The following TLL1 variants were observed in gnomAD, a reference collection of about 807,000 sequenced individuals.
The protein encoded by TLL1 is tolloid like 1.
Under a neutral mutation model 128.2 loss-of-function variants are expected in TLL1, and 49 were observed. The observed-to-expected ratio is 0.38, with a 90% CI of 0.30 to 0.48. The LOEUF (loss-of-function observed/expected upper bound fraction) is 0.48. Among genes scored for constraint, TLL1 ranks in the 20% least tolerant of loss-of-function variants. The pLI is 0.96. For missense variants in TLL1, 1,123 were observed against 1,242.0 expected, an observed-to-expected ratio of 0.90 and a Z score of 1.44; for synonymous variants, 454 against 418.8, an observed-to-expected ratio of 1.08 and a Z score of -1.03.
chr4:166,085,566 G>T (rs1741473796), intron 18 of TLL1, among the ~76,000 whole-genome samples: 1 of 151,630 alleles, frequency 6.6e-6, no homozygotes, highest in Non-Finnish European at 1.5e-5. Context: ...TTCTGTTAAT[G>T]TCGTGCATCA....
intron 10 of TLL1, among the ~76,000 whole-genome samples, chr4:166,041,334 C>A (rs1255404290): frequency 6.8e-6 from 1 of 146,030 alleles, no homozygotes; most frequent in African/African-American, 2.5e-5. Flanking sequence ...TGGAGTCTTG[C>A]TCTGTCGCCA....
chr4:166,099,533 T>C lies in TLL1; in HGVS notation c.2907+6T>C, dbSNP rs1742191905. The C allele has an allele frequency of 1.2e-6, 2 of 1,611,136 alleles. No individual in the cohort carries two copies. The highest frequency in any genetic ancestry group is 1.3e-5 in the African/African-American group (1 of 74,118). ...GTCGATTCTGTGGATCCGGGGTAAA[T>C]ATACCACCAACAGAATACCCTAGAC... On this transcript the variant is annotated splice_donor_region_variant and intron_variant, in intron 20 of 20. Transcript: ENST00000061240.
intron 1 of TLL1, among the ~76,000 whole-genome samples, chr4:165,883,102 G>A (rs1731032626): frequency 6.6e-6 from 1 of 152,102 alleles, no homozygotes; most frequent in African/African-American, 2.4e-5. Flanking sequence ...CATATACAAT[G>A]GAACTCAGAA....
chr4:165,891,187 CA>C (rs1384342275), intron 1 of TLL1, among the ~76,000 whole-genome samples: 1 of 152,136 alleles, frequency 6.6e-6, no homozygotes, highest in Non-Finnish European at 1.5e-5. Context: ...TTTTTCCTCC[CA>C]AGCCTTCTGG....
At chr4:165,908,735 G>A (rs1033031079) in intron 1 of TLL1, among the ~76,000 whole-genome samples, 9 of 152,222 alleles carry the variant, frequency 5.9e-5, no homozygotes, top group African/African-American at 1.7e-4. Flanking sequence ...GATGGGAAGG[G>A]GTAGGTCAAG....
intron 12 of TLL1, among the ~76,000 whole-genome samples, chr4:166,047,124 A>G (rs2111099579): frequency 6.6e-6 from 1 of 152,182 alleles, no homozygotes; most frequent in Non-Finnish European, 1.5e-5. Context: ...CACTGATTCT[A>G]GTCTTTGCCT....
intron 6 of TLL1, among the ~76,000 whole-genome samples, chr4:166,004,196 T>A (rs2111035030): frequency 6.6e-6 from 1 of 152,292 alleles, no homozygotes; most frequent in South Asian, 2.1e-4. Flanking sequence ...AATGTAAGAC[T>A]TTTTAACTTT....
At position 166,103,998 on chromosome 4, in the gene TLL1, A is replaced by T. The variant is rs1024005745; in HGVS notation, c.*3122A>T. 9 of 151,938 alleles carry T rather than the reference A, an allele frequency of 5.9e-5. No individual in the cohort carries two copies. The highest frequency in any genetic ancestry group is 2.2e-4 in the African/African-American group (9 of 41,414). 9.4% of individuals were successfully genotyped at this position (151,938 alleles called of 1,614,324 possible). ...GGATGAGAAGTAATTGTGTTTCCAA[A>T]ACCCTCAAATATCCCATTCCTATAC... On this transcript the variant is annotated 3_prime_UTR_variant, in exon 21 of 21. Transcript: ENST00000061240.
intron 1 of TLL1, among the ~76,000 whole-genome samples, chr4:165,982,020 A>G (rs1268986155): frequency 6.6e-6 from 1 of 152,034 alleles, no homozygotes; most frequent in Non-Finnish European, 1.5e-5. Context: ...ATTTTGCTTT[A>G]AGAAATGACC....
In TLL1 at chr4:166,043,408, C is replaced by G. The variant is rs1739325310; in HGVS notation, c.1513C>G (p.Gln505Glu). 1 of 1,613,986 alleles carries G rather than the reference C, an allele frequency of 6.2e-7. No individual in the cohort carries two copies. The highest frequency in any genetic ancestry group is 1.1e-5 in the South Asian group (1 of 91,094). Residue 505 changes from glutamine (Q) to glutamate (E), a missense_variant, in exon 12 of 21, where the codon CAG becomes GAG. Transcript: ENST00000061240. ...GAGCTACCACGTCGGGCTGACCTTT[C>G]AGTCCTTTGAGGTAAAGTCTTTTAG... The part of the protein sequence containing the change: ...SESYHVGLTF[Q>E]SFEIERHDNC...
At chr4:165,880,965 T>C (rs12498514) in intron 1 of TLL1, among the ~76,000 whole-genome samples, 44,609 of 152,092 alleles carry the variant, frequency 0.29, 7,604 homozygotes, top group South Asian at 0.48. Context: ...CAGTTTCTTG[T>C]TAAGTGTTGG....
At chr4:165,952,992 G>T (rs980785815) in intron 1 of TLL1, among the ~76,000 whole-genome samples, 1 of 151,956 alleles carries the variant, frequency 6.6e-6, no homozygotes, top group African/African-American at 2.4e-5. Flanking sequence ...TTCTAACCCT[G>T]GTGGATTCAA....
chr4:166,025,252 G>A (rs903031113), intron 8 of TLL1, 64 bp from the exon 9 acceptor site: 1 of 1,225,254 alleles, frequency 8.2e-7, no homozygotes, highest in South Asian at 1.2e-5. Flanking sequence ...TCATGGCTTT[G>A]TTTATGATAT....
At chr4:165,948,714 C>T (rs1390003147) in intron 1 of TLL1, among the ~76,000 whole-genome samples, 2 of 152,120 alleles carry the variant, frequency 1.3e-5, no homozygotes, top group Admixed American at 1.3e-4. Flanking sequence ...TTCATAAGAG[C>T]TCTTCCTCTT....
chr4:166,055,456 G>A (rs1390875382), intron 13 of TLL1, among the ~76,000 whole-genome samples, 185 bp downstream of exon 13: 1 of 152,084 alleles, frequency 6.6e-6, no homozygotes, highest in Non-Finnish European at 1.5e-5. Flanking sequence ...TCATAGCACA[G>A]GATAGGAATT....
At chr4:166,089,822 G>C (rs1201504639) in intron 18 of TLL1, among the ~76,000 whole-genome samples, 2 of 151,946 alleles carry the variant, frequency 1.3e-5, no homozygotes, top group Non-Finnish European at 2.9e-5. Context: ...ACAAAAGAGA[G>C]ATCAGCTTTT....
chr4:166,037,322 A>G (rs1196504452), intron 9 of TLL1, among the ~76,000 whole-genome samples: 1 of 152,218 alleles, frequency 6.6e-6, no homozygotes, highest in African/African-American at 2.4e-5. Context: ...AAAATAAATT[A>G]GATACTAAAG....
intron 8 of TLL1, among the ~76,000 whole-genome samples, chr4:166,016,710 A>T (rs1220466035): frequency 2.0e-5 from 3 of 152,062 alleles, no homozygotes; most frequent in African/African-American, 7.2e-5. Flanking sequence ...GATATTTTGT[A>T]TTTCTGAAAC....
intron 1 of TLL1, among the ~76,000 whole-genome samples, chr4:165,897,766 A>G (rs1731752895): frequency 6.8e-6 from 1 of 147,412 alleles, no homozygotes; most frequent in South Asian, 2.2e-4. Context: ...TTCTGTGAAG[A>G]AAGTCAATGG....
Sources: allele counts gnomAD v4.1 joint callset (sites outside exome capture counted in the v4.1 genomes callset), GRCh38; gene constraint gnomAD v4.1.1; transcripts MANE v1.5; gene names NCBI Gene and HGNC (gene_info 2026-07-23, HGNC 2026-07-21).